The following PID1 variants were observed in gnomAD, a reference collection of about 807,000 sequenced individuals.
PID1 encodes PTB-containing, cubilin and LRP1-interacting protein.
PID1 carries 10 observed loss-of-function variants against 19.1 expected under a neutral mutation model. That is an observed-to-expected ratio of 0.52 (90% CI 0.32 to 0.89). The LOEUF (loss-of-function observed/expected upper bound fraction) is 0.89, where lower values mean the gene tolerates loss of function less well. Ranked by LOEUF, PID1 falls within the 40% of genes least tolerant of loss-of-function variation. PID1 has a pLI of 0.03. For synonymous variants in PID1, 130 were observed against 116.0 expected (o/e 1.12, Z -0.78); for missense variants, 248 against 285.3 (o/e 0.87, Z 0.94).
intron 2 of PID1, among the ~76,000 whole-genome samples, chr2:229,069,302 G>A (rs1694403725): frequency 1.3e-5 from 2 of 151,928 alleles, no homozygotes; most frequent in Non-Finnish European, 2.9e-5. Flanking sequence ...CACTCCCAAG[G>A]GTTAGTGAGT....
intron 1 of PID1, among the ~76,000 whole-genome samples, chr2:229,258,685 C>T (rs980532183): frequency 6.6e-6 from 1 of 151,980 alleles, no homozygotes; most frequent in African/African-American, 2.4e-5. Context: ...GGTGAAACCC[C>T]GTCTCTACTA....
intron 1 of PID1, among the ~76,000 whole-genome samples, chr2:229,245,366 C>T (rs747577799): frequency 3.3e-5 from 5 of 152,090 alleles, no homozygotes; most frequent in Non-Finnish European, 7.4e-5. Context: ...CTTCTTACTC[C>T]TCATTCCCAA....
chr2:229,245,473 T>C (rs1300062268), intron 1 of PID1, among the ~76,000 whole-genome samples: 1 of 152,176 alleles, frequency 6.6e-6, no homozygotes, highest in Non-Finnish European at 1.5e-5. Context: ...GGTATGAAGA[T>C]GCTACTTGTT....
intron 2 of PID1, among the ~76,000 whole-genome samples, chr2:229,051,742 G>T (rs1385429885): frequency 6.6e-6 from 1 of 152,184 alleles, no homozygotes; most frequent in Non-Finnish European, 1.5e-5. Context: ...TGCATAAAAA[G>T]TCAGCATCAC....
chr2:229,155,221 C>T (rs1288040489), intron 2 of PID1, among the ~76,000 whole-genome samples: 4 of 152,110 alleles, frequency 2.6e-5, no homozygotes, highest in Admixed American at 2.6e-4. Flanking sequence ...CAAAGTTCCA[C>T]AGAGCTACAG....
intron 1 of PID1, among the ~76,000 whole-genome samples, chr2:229,168,696 T>C (rs1405992633): frequency 1.5e-4 from 22 of 151,264 alleles, no homozygotes; most frequent in Non-Finnish European, 5.9e-5. Context: ...TCAACAGCTT[T>C]TTCTCTTCAC....
chr2:229,177,439 A>G (rs891167219), intron 1 of PID1, among the ~76,000 whole-genome samples: 3 of 152,056 alleles, frequency 2.0e-5, no homozygotes, highest in Non-Finnish European at 4.4e-5. Context: ...ATTCCTACAT[A>G]ATTAATTGTT....
At chr2:229,119,667 T>C (rs1695478939) in intron 2 of PID1, among the ~76,000 whole-genome samples, 1 of 152,170 alleles carries the variant, frequency 6.6e-6, no homozygotes, top group Non-Finnish European at 1.5e-5. Flanking sequence ...AGAAGCAGGA[T>C]ATGATGGTTA....
intron 1 of PID1, among the ~76,000 whole-genome samples, chr2:229,242,169 G>A (rs560702817): frequency 1.3e-5 from 2 of 152,194 alleles, no homozygotes; most frequent in African/African-American, 4.8e-5. Flanking sequence ...ACCATGCCTG[G>A]CTAGTAAATA....
In PID1 at chr2:229,179,560, G is replaced by A. The variant is rs1179339254; in HGVS notation, c.31-23596C>T. On this transcript the variant is annotated intron_variant, in intron 1 of 2. Coordinates refer to ENST00000392055, the MANE Select transcript of PID1 (RefSeq NM_001100818.2). ...CAAATTTTCATACCATTTAAAAAGA[G>A]CTCATAGCGTCCATTTAGTAAGACT... is the stretch of plus-strand genomic sequence containing the variant. Among the ~76,000 whole-genome samples, 4 of 152,258 alleles carry A rather than the reference G, an allele frequency of 2.6e-5. No individual in the cohort carries two copies. In the East Asian group the frequency reaches 7.7e-4, roughly 29 times the overall value.
intron 2 of PID1, among the ~76,000 whole-genome samples, chr2:229,062,056 T>C (rs1407588991): frequency 6.6e-6 from 1 of 150,760 alleles, no homozygotes; most frequent in African/African-American, 2.5e-5. Context: ...ATTTCACTTC[T>C]TCCTTTCCTA....
intron 1 of PID1, among the ~76,000 whole-genome samples, chr2:229,183,422 C>T (rs1434287070): frequency 1.3e-5 from 2 of 152,198 alleles, no homozygotes; most frequent in Non-Finnish European, 2.9e-5. Context: ...GGTATTTGGT[C>T]AAACATTATT....
intron 2 of PID1, among the ~76,000 whole-genome samples, chr2:229,138,978 TAGAAGAA>T (rs1291179557): frequency 7.6e-5 from 5 of 65,718 alleles, no homozygotes; most frequent in Admixed American, 3.4e-4. Context: ...TAGAAAAAAA[TAGAAGAA>T]AGAAAGAAAG....
chr2:229,036,498 C>A (rs1693666324), intron 2 of PID1, among the ~76,000 whole-genome samples: 1 of 152,124 alleles, frequency 6.6e-6, no homozygotes, highest in Non-Finnish European at 1.5e-5. Context: ...CGGCTGTAAT[C>A]CTAGCACTTT....
At chr2:229,221,885 C>T (rs1401749090) in intron 1 of PID1, among the ~76,000 whole-genome samples, 2 of 152,138 alleles carry the variant, frequency 1.3e-5, no homozygotes, top group Non-Finnish European at 2.9e-5. Flanking sequence ...CCCACATGTC[C>T]ACATCTGAGC....
intron 2 of PID1, among the ~76,000 whole-genome samples, chr2:229,134,568 A>G (rs1689820624): frequency 6.6e-6 from 1 of 152,106 alleles, no homozygotes; most frequent in South Asian, 2.1e-4. Flanking sequence ...TCCAAAAGTT[A>G]AAGCGTGAAC....
intron 2 of PID1, among the ~76,000 whole-genome samples, chr2:229,121,632 TG>T (rs1430107425): frequency 3.9e-5 from 6 of 152,180 alleles, no homozygotes; most frequent in Non-Finnish European, 8.8e-5. Flanking sequence ...TATTGGAAAA[TG>T]GGCTTATTCA....
intron 1 of PID1, among the ~76,000 whole-genome samples, chr2:229,190,434 G>A (rs766458678): frequency 3.3e-5 from 5 of 152,212 alleles, no homozygotes; most frequent in Non-Finnish European, 5.9e-5. Context: ...CATGGAACAG[G>A]CATCCTTGAA....
chr2:229,153,200 A>G (rs1476255113), intron 2 of PID1, among the ~76,000 whole-genome samples: 1 of 152,252 alleles, frequency 6.6e-6, no homozygotes, highest in East Asian at 1.9e-4. Flanking sequence ...ACTGTCTTTG[A>G]GAATTAAAGA....
Sources: allele counts gnomAD v4.1 joint callset (sites outside exome capture counted in the v4.1 genomes callset), GRCh38; gene constraint gnomAD v4.1.1; transcripts MANE v1.5; gene names NCBI Gene and HGNC (gene_info 2026-07-23, HGNC 2026-07-21).